Variants in EMSY observed in about 807,000 individuals in gnomAD.
EMSY encodes EMSY transcriptional repressor, BRCA2 interacting, also known as BRCA2-interacting transcriptional repressor EMSY.
A neutral mutation model predicts 134.6 loss-of-function variants in EMSY; 26 were observed. The observed-to-expected ratio is 0.19, with a 90% CI of 0.14 to 0.27. The LOEUF (loss-of-function observed/expected upper bound fraction) is 0.27. EMSY is among the 10% of genes least tolerant of loss of function. EMSY has a pLI of 1.00. For synonymous variants in EMSY, 579 were observed against 577.8 expected (o/e 1.00, Z -0.03); for missense variants, 1,305 against 1,611.4 (o/e 0.81, Z 3.26).
chr11:76,502,044 GAAA>G (rs57263473), intron 9 of EMSY, among the ~76,000 whole-genome samples: 1 of 93,098 alleles, frequency 1.1e-5, no homozygotes, highest in Non-Finnish European at 2.2e-5. Flanking sequence ...CATTTGAAAT[GAAA>G]AAAAAAAAAA....
chr11:76,504,924 T>C (rs187491135), intron 9 of EMSY, among the ~76,000 whole-genome samples: 2 of 152,338 alleles, frequency 1.3e-5, no homozygotes, highest in East Asian at 3.9e-4. Context: ...TATTATATGA[T>C]TTATTTCATA....
At chr11:76,527,200 G>T (rs900169905) in intron 13 of EMSY, among the ~76,000 whole-genome samples, 4 of 151,984 alleles carry the variant, frequency 2.6e-5, no homozygotes, top group Non-Finnish European at 5.9e-5. Flanking sequence ...TGAGAATATC[G>T]AGGGAAGCAC....
At chr11:76,545,374 A>G (rs1951605426) in intron 19 of EMSY, among the ~76,000 whole-genome samples, 1 of 152,142 alleles carries the variant, frequency 6.6e-6, no homozygotes, top group South Asian at 2.1e-4. Context: ...GTATGTATAT[A>G]TTATAAATAC....
intron 8 of EMSY, among the ~76,000 whole-genome samples, chr11:76,474,949 A>C (rs200864960): frequency 6.6e-6 from 1 of 152,016 alleles, no homozygotes; most frequent in East Asian, 1.9e-4. Flanking sequence ...TTTCTAATAG[A>C]GGTGGTGTTT....
At chr11:76,535,802 G>A (rs2136528946) in intron 14 of EMSY, 93 bp from the exon 16 acceptor site, 1 of 1,023,164 alleles carries the variant, frequency 9.8e-7, no homozygotes, top group South Asian at 3.3e-5. Context: ...TAAATAGAAA[G>A]ATAAGCAAAC....
chr11:76,496,229 G>A (rs531713649), exon 9 of EMSY: 4 of 1,613,714 alleles, frequency 2.5e-6, no homozygotes, highest in Non-Finnish European at 2.5e-6. Context: ...ATCTACATCA[G>A]CAATCAAAAT....
intron 7 of EMSY, among the ~76,000 whole-genome samples, chr11:76,470,798 C>G (rs536918966): frequency 2.0e-4 from 30 of 152,190 alleles, no homozygotes; most frequent in African/African-American, 6.7e-4. Context: ...GTAGCCTCTG[C>G]TTACTTTTCC....
At chr11:76,530,422 A>G (rs1950997883) in intron 14 of EMSY, among the ~76,000 whole-genome samples, 1 of 152,084 alleles carries the variant, frequency 6.6e-6, no homozygotes, top group African/African-American at 2.4e-5. Context: ...CGGCCTCCCA[A>G]AGTGCTGGGA....
chr11:76,517,422 T>G (rs563263697), intron 11 of EMSY, among the ~76,000 whole-genome samples: 1 of 152,344 alleles, frequency 6.6e-6, no homozygotes, highest in South Asian at 2.1e-4. Context: ...ATTTATTACT[T>G]GACAATATCT....
intron 7 of EMSY, among the ~76,000 whole-genome samples, chr11:76,470,241 CA>C (rs1948518511): frequency 6.6e-6 from 1 of 152,050 alleles, no homozygotes; most frequent in Non-Finnish European, 1.5e-5. Flanking sequence ...TTTTTCAAAA[CA>C]GTTTTTCTTT....
At chr11:76,510,667 G>A (rs536896664) in intron 9 of EMSY, among the ~76,000 whole-genome samples, 2 of 152,316 alleles carry the variant, frequency 1.3e-5, no homozygotes, top group Non-Finnish European at 2.9e-5. Flanking sequence ...ACAAACTGGG[G>A]GCTGGGCAGA....
At chr11:76,488,612 G>A (rs575069163) in intron 8 of EMSY, among the ~76,000 whole-genome samples, 22 of 151,310 alleles carry the variant, frequency 1.5e-4, no homozygotes, top group Admixed American at 8.6e-4. Flanking sequence ...TGCAAAATAC[G>A]ATGTGATTGA....
At chr11:76,525,746 A>G (rs778774929) in intron 12 of EMSY, among the ~76,000 whole-genome samples, 1 of 152,174 alleles carries the variant, frequency 6.6e-6, no homozygotes, top group African/African-American at 2.4e-5. Flanking sequence ...ATATATGAAT[A>G]GTAAAACATA....
chr11:76,485,897 C>T (rs1403852070), intron 8 of EMSY, among the ~76,000 whole-genome samples: 1 of 152,152 alleles, frequency 6.6e-6, no homozygotes, highest in Non-Finnish European at 1.5e-5. Flanking sequence ...AATCCCATTA[C>T]TGGGCATATA....
At chr11:76,462,234 A>G (rs1226690439) in intron 6 of EMSY, among the ~76,000 whole-genome samples, 6 of 152,200 alleles carry the variant, frequency 3.9e-5, no homozygotes, top group Admixed American at 1.3e-4. Flanking sequence ...GTGAGACTCC[A>G]TCTCATAAAT....
intron 17 of EMSY, among the ~76,000 whole-genome samples, chr11:76,541,507 A>G (rs549007910): frequency 6.6e-6 from 1 of 152,216 alleles, no homozygotes; most frequent in East Asian, 1.9e-4. Flanking sequence ...AGCCTTTATT[A>G]TCCCATTAAA....
chr11:76,448,437 T>G (rs1947511791), intron 2 of EMSY, among the ~76,000 whole-genome samples: 1 of 152,144 alleles, frequency 6.6e-6, no homozygotes. Context: ...GGACTCATAT[T>G]TATTTGATAG....
intron 4 of EMSY, among the ~76,000 whole-genome samples, chr11:76,457,906 G>A (rs1565275221): frequency 6.6e-6 from 1 of 152,112 alleles, no homozygotes; most frequent in African/African-American, 2.4e-5. Context: ...AACCAAGGCC[G>A]ATATTTATTT....
chr11:76,543,148 T>G (rs536468880), intron 18 of EMSY, among the ~76,000 whole-genome samples: 1 of 152,298 alleles, frequency 6.6e-6, no homozygotes, highest in Non-Finnish European at 1.5e-5. Context: ...CTCTGTTAAA[T>G]AGTTATATCA....
Sources: gnomAD v4.1 joint callset for allele counts (sites outside exome capture counted in the v4.1 genomes callset) on GRCh38, gnomAD v4.1.1 for gene constraint, MANE v1.5 for transcripts, NCBI Gene and HGNC (gene_info 2026-07-23, HGNC 2026-07-21) for gene names.